STXBP5L: variants seen among roughly 807,000 people sequenced by gnomAD.
The protein encoded by STXBP5L is syntaxin binding protein 5L.
STXBP5L carries 65 observed loss-of-function variants against 144.5 expected under a neutral mutation model. That is an observed-to-expected ratio of 0.45 (90% CI 0.37 to 0.55). The LOEUF (loss-of-function observed/expected upper bound fraction) is 0.55, where lower values mean the gene tolerates loss of function less well. STXBP5L is among the 20% of genes least tolerant of loss of function. The probability of loss-of-function intolerance (pLI) is 0.00; values close to 1 mark genes in which losing one functional copy is unlikely to be tolerated. For synonymous variants in STXBP5L, 505 were observed against 469.6 expected, an observed-to-expected ratio of 1.08 and a Z score of -0.97; for missense variants, 1,298 against 1,405.5, an observed-to-expected ratio of 0.92 and a Z score of 1.22.
Position 121,419,155 on chromosome 3 carries a change from C to T in STXBP5L, c.*58C>T. ...CATATTCAGGGAAACCAAATTTATT[C>T]CCAGCATCACTACTCAACTGCTAGA... On this transcript the variant is annotated 3_prime_UTR_variant, in exon 27 of 27. Coordinates refer to ENST00000471454, the MANE Select transcript of STXBP5L (RefSeq NM_001308330.2). 1 of 1,530,978 alleles carries T rather than the reference C, an allele frequency of 6.5e-7. No homozygotes were observed. Among genetic ancestry groups the T allele is most frequent in the Non-Finnish European group, 9.0e-7 (1 of 1,116,522 alleles). 94.8% of individuals were successfully genotyped at this position (1,530,978 alleles called of 1,614,324 possible). A position where few individuals can be genotyped will look rare whatever the true frequency, so the allele number is the denominator to read the frequency against.
At chr3:121,311,130 C>G (rs1236319413) in intron 19 of STXBP5L, among the ~76,000 whole-genome samples, 1 of 152,078 alleles carries the variant, frequency 6.6e-6, no homozygotes, top group African/African-American at 2.4e-5. Context: ...GAAAATGTTC[C>G]AACTATCCAT....
chr3:121,065,950 G>T (rs1159779435), intron 5 of STXBP5L, among the ~76,000 whole-genome samples: 1 of 152,104 alleles, frequency 6.6e-6, no homozygotes, highest in African/African-American at 2.4e-5. Context: ...TTGCCATATA[G>T]CCCTCTCAAT....
chr3:120,959,207 C>A (rs980186686), intron 3 of STXBP5L, among the ~76,000 whole-genome samples: 17 of 152,002 alleles, frequency 1.1e-4, no homozygotes, highest in Non-Finnish European at 1.8e-4. Flanking sequence ...ACGTGAAGGA[C>A]CTCTTCAAGG....
At chr3:121,269,888 A>G (rs1322307022) in intron 18 of STXBP5L, among the ~76,000 whole-genome samples, 1 of 152,216 alleles carries the variant, frequency 6.6e-6, no homozygotes, top group Non-Finnish European at 1.5e-5. Context: ...TAATGTGACC[A>G]GTTGTACATT....
chr3:120,910,183 T>C (rs1262135623), intron 2 of STXBP5L, among the ~76,000 whole-genome samples: 1 of 152,226 alleles, frequency 6.6e-6, no homozygotes, highest in Non-Finnish European at 1.5e-5. Context: ...GGAAAATATG[T>C]TCATTTTAAG....
intron 3 of STXBP5L, among the ~76,000 whole-genome samples, chr3:120,966,003 C>T (rs1030299567): frequency 2.0e-5 from 3 of 152,060 alleles, no homozygotes; most frequent in Non-Finnish European, 2.9e-5. Context: ...CTCTAAACTT[C>T]TCCTGTGACT....
chr3:120,973,871 C>G (rs1940592411), intron 3 of STXBP5L, among the ~76,000 whole-genome samples: 1 of 152,128 alleles, frequency 6.6e-6, no homozygotes, highest in Admixed American at 6.6e-5. Flanking sequence ...AGGACATGAA[C>G]TCATCCTTTT....
intron 2 of STXBP5L, among the ~76,000 whole-genome samples, chr3:120,941,109 G>A (rs987809095): frequency 1.3e-5 from 2 of 151,666 alleles, no homozygotes; most frequent in Non-Finnish European, 3.0e-5. Flanking sequence ...TCTCAATCAT[G>A]AGTTTTGGGG....
chr3:121,111,849 G>A (rs183355030), intron 5 of STXBP5L, among the ~76,000 whole-genome samples: 97 of 152,314 alleles, frequency 6.4e-4, no homozygotes, highest in African/African-American at 1.8e-3. Context: ...GATCCATGGA[G>A]AGAGACCATG....
intron 20 of STXBP5L, among the ~76,000 whole-genome samples, chr3:121,377,188 G>A (rs997807581): frequency 3.3e-5 from 5 of 152,178 alleles, no homozygotes; most frequent in Non-Finnish European, 4.4e-5. Flanking sequence ...AGACAATTTG[G>A]CTTTCTCTTT....
At chr3:121,242,943 C>T (rs61796886) in intron 14 of STXBP5L, among the ~76,000 whole-genome samples, 2,091 of 152,196 alleles carry the variant, frequency 0.014, 24 homozygotes, top group Non-Finnish European at 0.021. Flanking sequence ...AGTCACAGTA[C>T]CCCAGACAAG....
At chr3:120,985,414 C>G (rs1169869394) in intron 3 of STXBP5L, among the ~76,000 whole-genome samples, 1 of 151,948 alleles carries the variant, frequency 6.6e-6, no homozygotes, top group Admixed American at 6.6e-5. Context: ...AAATATGTAT[C>G]TTTTTTGTAG....
intron 20 of STXBP5L, among the ~76,000 whole-genome samples, chr3:121,361,951 G>T (rs1437915107): frequency 6.6e-6 from 1 of 152,168 alleles, no homozygotes. Flanking sequence ...AGGCTTTCCA[G>T]ATATTTGAAA....
intron 2 of STXBP5L, among the ~76,000 whole-genome samples, chr3:120,916,780 T>G (rs1709123019): frequency 6.6e-6 from 1 of 152,136 alleles, no homozygotes; most frequent in African/African-American, 2.4e-5. Context: ...TTATACTTCT[T>G]TTATCTTTCT....
rs1220842975 is a variant in STXBP5L at position 121,350,037 on chromosome 3, C to T, written c.2177-28679C>T. On this transcript the variant is annotated intron_variant, in intron 20 of 26. Transcript: ENST00000471454. The stretch of plus-strand genomic sequence containing the variant: ...TGGTTATTTTGCTTGTTAGTTGATG[C>T]AGTTTCTCCCTAGCCTCAATGGTCT... 1.3e-5 allele frequency among the ~76,000 whole-genome samples: 2 copies of T among 152,090 alleles called. 1 individual carries two copies. Among genetic ancestry groups the T allele is most frequent in the African/African-American group, 4.8e-5 (2 of 41,358 alleles).
At chr3:121,360,354 C>A (rs537837562) in intron 20 of STXBP5L, among the ~76,000 whole-genome samples, 3 of 151,616 alleles carry the variant, frequency 2.0e-5, no homozygotes, top group Non-Finnish European at 2.9e-5. Flanking sequence ...TCCATTCAGT[C>A]ATTCTGTGTC....
At chr3:121,076,629 G>A (rs546507056) in intron 5 of STXBP5L, among the ~76,000 whole-genome samples, 97 of 152,020 alleles carry the variant, frequency 6.4e-4, no homozygotes, top group Non-Finnish European at 1.2e-3. Flanking sequence ...CAAAACACTC[G>A]GCCAATTATC....
intron 3 of STXBP5L, among the ~76,000 whole-genome samples, chr3:121,010,030 A>C (rs772572923): frequency 6.6e-6 from 1 of 151,926 alleles, no homozygotes; most frequent in Admixed American, 6.6e-5. Context: ...TGATATTACA[A>C]GTGTGATTGA....
At chr3:121,067,565 A>G (rs910876140) in intron 5 of STXBP5L, among the ~76,000 whole-genome samples, 1 of 152,164 alleles carries the variant, frequency 6.6e-6, no homozygotes, top group Non-Finnish European at 1.5e-5. Flanking sequence ...GTAAATGTGC[A>G]CAAACTAATT....
Sources: gnomAD v4.1 joint callset for allele counts (sites outside exome capture counted in the v4.1 genomes callset) on GRCh38, gnomAD v4.1.1 for gene constraint, MANE v1.5 for transcripts, NCBI Gene and HGNC (gene_info 2026-07-23, HGNC 2026-07-21) for gene names.